Variants in VAT1L observed in about 807,000 individuals in gnomAD.
VAT1L encodes putative NADPH-dependent quinone oxidoreductase VAT1L.
Under a neutral mutation model 44.1 loss-of-function variants are expected in VAT1L, and 34 were observed. The ratio of observed to expected loss-of-function variants is 0.77; its 90% confidence interval spans 0.59 to 1.03. VAT1L has a LOEUF of 1.03. Among genes scored for constraint, VAT1L ranks in the 50% least tolerant of loss-of-function variants. VAT1L has a pLI of 0.00. For missense variants in VAT1L, 615 were observed against 538.8 expected, an observed-to-expected ratio of 1.14 and a Z score of -1.40; for synonymous variants, 253 against 202.2, an observed-to-expected ratio of 1.25 and a Z score of -2.13.
chr16:77,966,473 G>C (rs560985108), intron 7 of VAT1L, among the ~76,000 whole-genome samples: 2 of 152,190 alleles, frequency 1.3e-5, no homozygotes, highest in Non-Finnish European at 2.9e-5. Context: ...ACAGTGCAGA[G>C]AGCCCAGTGA....
intron 6 of VAT1L, among the ~76,000 whole-genome samples, chr16:77,880,013 C>CCACT (rs2017132793): frequency 6.6e-6 from 1 of 152,136 alleles, no homozygotes; most frequent in South Asian, 2.1e-4. Flanking sequence ...AGCTCATGAA[C>CCACT]CACTCTCTTG....
In VAT1L at chr16:77,905,298, T is replaced by G. The variant is rs1288595918; in HGVS notation, c.1077+20496T>G. On this transcript the variant is annotated intron_variant, in intron 7 of 8. Coordinates refer to ENST00000302536, the MANE Select transcript of VAT1L (RefSeq NM_020927.3). ...ATTTTCTTCAAAGAAGAAAAGAATTTGAAGCAAAATCAAGAAAGAAAAAGC... is the reference window on the plus strand; with the variant it reads ...ATTTTCTTCAAAGAAGAAAAGAATTGGAAGCAAAATCAAGAAAGAAAAAGC... 8.0e-4 allele frequency among the ~76,000 whole-genome samples: 122 copies of G among 152,168 alleles called. 1 individual carries two copies. Among genetic ancestry groups the G allele is most frequent in the Non-Finnish European group, 1.9e-4 (13 of 68,028 alleles).
chr16:77,908,710 T>C (rs888213545), intron 7 of VAT1L, among the ~76,000 whole-genome samples: 5 of 151,888 alleles, frequency 3.3e-5, no homozygotes, highest in Admixed American at 6.6e-5. Context: ...GGTCAGGCGA[T>C]TGAGACCATC....
chr16:77,881,118 A>G (rs566576232), intron 6 of VAT1L, among the ~76,000 whole-genome samples: 2 of 152,364 alleles, frequency 1.3e-5, no homozygotes, highest in South Asian at 4.1e-4. Context: ...ATACCCAGTA[A>G]TGAGACTGCT....
chr16:77,837,787 C>A (rs2016655767), intron 3 of VAT1L, among the ~76,000 whole-genome samples: 1 of 152,082 alleles, frequency 6.6e-6, no homozygotes, highest in African/African-American at 2.4e-5. Flanking sequence ...GTATTGTATC[C>A]TTATTATATG....
rs144606520 is a variant in VAT1L, at chr16:77,919,622, T to A, written c.1077+34820T>A. On this transcript the variant is annotated intron_variant, in intron 7 of 8. Coordinates refer to ENST00000302536, the MANE Select transcript of VAT1L (RefSeq NM_020927.3). ...CAGATGAGTGAGTCAATGTGTGAAA[T>A]AGAGGAGAGATGACTGTGATAGAGA... Among the ~76,000 whole-genome samples the A allele has an allele frequency of 7.9e-4, 121 of 152,216 alleles. No homozygotes were observed. The South Asian group carries it at 0.025, about 31-fold the overall frequency.
intron 7 of VAT1L, among the ~76,000 whole-genome samples, chr16:77,925,216 C>T (rs779131662): frequency 6.6e-6 from 1 of 152,090 alleles, no homozygotes; most frequent in African/African-American, 2.4e-5. Flanking sequence ...CTCAGGTTCA[C>T]GTGCAGCCTG....
At chr16:77,923,493 G>T (rs964912626) in intron 7 of VAT1L, among the ~76,000 whole-genome samples, 1 of 152,150 alleles carries the variant, frequency 6.6e-6, no homozygotes, top group African/African-American at 2.4e-5. Flanking sequence ...CCAGAATCAG[G>T]TCTTAAAATC....
intron 7 of VAT1L, among the ~76,000 whole-genome samples, chr16:77,903,696 T>C (rs534743541): frequency 6.6e-6 from 1 of 152,110 alleles, no homozygotes; most frequent in African/African-American, 2.4e-5. Flanking sequence ...TTTAAAATTA[T>C]TAGGTTGGTG....
intron 3 of VAT1L, among the ~76,000 whole-genome samples, chr16:77,852,765 C>G (rs1055677759): frequency 2.0e-5 from 3 of 152,136 alleles, no homozygotes; most frequent in African/African-American, 7.2e-5. Flanking sequence ...TGTCCTACAG[C>G]ATAAGGCAGT....
Position 77,788,723 on chromosome 16 carries a change from A to T in VAT1L, c.41A>T (p.Gln14Leu). 6.4e-7 allele frequency: 1 copy of T among 1,557,148 alleles called. No homozygotes were observed. Among genetic ancestry groups the T allele is most frequent in the Non-Finnish European group, 8.7e-7 (1 of 1,149,922 alleles). The change falls in exon 1 of 9, where the codon CAA becomes CTA. Residue 14 changes from glutamine (Q) to leucine (L), a missense_variant. Physicochemically the swap from Gln to Leu is moderately radical, Grantham distance 113. Transcript: ENST00000302536. Reference sequence around the variant, plus strand: ...GTGGAGAAGGCGGAGGAGACGGAGCAAATGATCGAGAAGGAGGCAGGCAAG... The same window carrying T: ...GTGGAGAAGGCGGAGGAGACGGAGCTAATGATCGAGAAGGAGGCAGGCAAG... ...EGVEKAEETE[Q>L]MIEKEAGKEP...
intron 1 of VAT1L, among the ~76,000 whole-genome samples, chr16:77,812,390 C>T (rs565311878): frequency 1.2e-4 from 19 of 152,216 alleles, no homozygotes; most frequent in South Asian, 2.1e-4. Context: ...AATCTTAAAA[C>T]TCTTGATTTT....
chr16:77,812,766 T>C (rs8048150), intron 1 of VAT1L, among the ~76,000 whole-genome samples: 57,691 of 152,026 alleles, frequency 0.38, 11,309 homozygotes, highest in East Asian at 0.56. Flanking sequence ...ACTGTTGAGC[T>C]TTTCAGGGTC....
At chr16:77,834,649 C>T (rs896270303) in intron 3 of VAT1L, among the ~76,000 whole-genome samples, 1 of 152,036 alleles carries the variant, frequency 6.6e-6, no homozygotes, top group Non-Finnish European at 1.5e-5. Flanking sequence ...CTATCCAGTC[C>T]CTGCATTTGA....
intron 1 of VAT1L, among the ~76,000 whole-genome samples, chr16:77,803,417 C>CTTTTTTTTTT (rs11379202): frequency 9.5e-6 from 1 of 105,534 alleles, no homozygotes; most frequent in Non-Finnish European, 1.8e-5. Context: ...ACTAGACATT[C>CTTTTTTTTTT]TTTTTTTTTT....
At chr16:77,831,982 A>ATTTTTTTTTTTTT (rs151275500) in intron 3 of VAT1L, among the ~76,000 whole-genome samples, 7 of 125,984 alleles carry the variant, frequency 5.6e-5, no homozygotes, top group Non-Finnish European at 8.0e-5. Context: ...TGCCCGGCTA[A>ATTTTTTTTTTTTT]TTTTTTTTTT....
intron 7 of VAT1L, among the ~76,000 whole-genome samples, chr16:77,954,939 AAC>A (rs758203618): frequency 2.0e-5 from 3 of 152,198 alleles, no homozygotes; most frequent in Non-Finnish European, 4.4e-5. Flanking sequence ...AAATATAGGA[AAC>A]ACACGTGATT....
At chr16:77,953,307 G>C (rs2018065253) in intron 7 of VAT1L, among the ~76,000 whole-genome samples, 1 of 152,176 alleles carries the variant, frequency 6.6e-6, no homozygotes, top group African/African-American at 2.4e-5. Flanking sequence ...GTGGTACTTA[G>C]ACAGCAACCC....
chr16:77,807,305 A>T lies in VAT1L; in HGVS notation c.234-9616A>T, dbSNP rs143306891. ...GGAATGATGGCAGCTGACAGCTCAC[A>T]GCTGGTTTCTCCTGAGGAATTGTTC... On this transcript the variant is annotated intron_variant, in intron 1 of 8. Coordinates refer to ENST00000302536, the MANE Select transcript of VAT1L (RefSeq NM_020927.3). Among the ~76,000 whole-genome samples the T allele has an allele frequency of 3.2e-3, 495 of 152,314 alleles. 5 individuals carry two copies. The highest frequency in any genetic ancestry group is 0.011 in the African/African-American group (441 of 41,562).
Sources: gnomAD v4.1 joint callset for allele counts (sites outside exome capture counted in the v4.1 genomes callset) on GRCh38, gnomAD v4.1.1 for gene constraint, MANE v1.5 for transcripts, NCBI Gene and HGNC (gene_info 2026-07-23, HGNC 2026-07-21) for gene names.